RALYL: variants seen among roughly 807,000 people sequenced by gnomAD.
The protein encoded by RALYL is RALY RNA binding protein like, also known as RNA-binding Raly-like protein.
A neutral mutation model predicts 35.1 loss-of-function variants in RALYL; 29 were observed. The ratio of observed to expected loss-of-function variants is 0.83; its 90% CI spans 0.61 to 1.13. The LOEUF is 1.13. RALYL is among the 50% of genes most tolerant of loss of function. RALYL has a pLI of 0.00. For missense variants in RALYL, 359 were observed against 360.4 expected (o/e 1.00, Z 0.03); for synonymous variants, 120 against 127.6 (o/e 0.94, Z 0.40).
intron 1 of RALYL, among the ~76,000 whole-genome samples, chr8:84,481,810 G>A (rs1323483346): frequency 6.6e-6 from 1 of 151,930 alleles, no homozygotes; most frequent in Non-Finnish European, 1.5e-5. Context: ...TTGTCTGAAG[G>A]CCAAGGATGA....
intron 2 of RALYL, among the ~76,000 whole-genome samples, chr8:84,578,128 G>T (rs1356273200): frequency 6.6e-6 from 1 of 152,236 alleles, no homozygotes; most frequent in African/African-American, 2.4e-5. Context: ...GTGCATAAGT[G>T]AGTGAGCAAA....
chr8:84,866,772 C>A (rs955209835), intron 6 of RALYL, among the ~76,000 whole-genome samples: 3 of 151,960 alleles, frequency 2.0e-5, no homozygotes, highest in Non-Finnish European at 4.4e-5. Context: ...CTAGGAATGT[C>A]AGTTAATAAA....
chr8:84,401,636 T>TTAAA (rs2042913267), intron 1 of RALYL, among the ~76,000 whole-genome samples: 1 of 27,502 alleles, frequency 3.6e-5, no homozygotes, highest in Non-Finnish European at 6.4e-5. Context: ...AGACTCTGTC[T>TTAAA]CAAAAAAAAA....
At chr8:84,725,610 C>A (rs1282298843) in intron 2 of RALYL, among the ~76,000 whole-genome samples, 1 of 151,668 alleles carries the variant, frequency 6.6e-6, no homozygotes, top group East Asian at 1.9e-4. Context: ...TTATATTCAG[C>A]ATGTTCTAGT....
rs932241511 is a variant in RALYL at position 84,360,158 on chromosome 8, C to A, written c.-23-169141C>A. Among the ~76,000 whole-genome samples the A allele has an allele frequency of 6.6e-5, 10 of 152,290 alleles. No individual in the cohort carries two copies. The East Asian group carries it at 1.9e-3, about 29-fold the overall frequency. ...AAAGTGCTGGGATTACAGGCATGAGCCACCATACCTGGCCATGCGTTCATT... is the reference window on the plus strand; with the variant it reads ...AAAGTGCTGGGATTACAGGCATGAGACACCATACCTGGCCATGCGTTCATT... On this transcript the variant is annotated intron_variant, in intron 1 of 8. Transcript: ENST00000521268.
chr8:84,581,139 G>T (rs573015144), intron 2 of RALYL, among the ~76,000 whole-genome samples: 3 of 152,160 alleles, frequency 2.0e-5, no homozygotes, highest in Non-Finnish European at 4.4e-5. Context: ...GACCAAAGTT[G>T]CATTGCCTTA....
At chr8:84,627,833 GC>G (rs1157040917) in intron 2 of RALYL, among the ~76,000 whole-genome samples, 4 of 151,702 alleles carry the variant, frequency 2.6e-5, no homozygotes, top group Non-Finnish European at 5.9e-5. Flanking sequence ...CTTCTTTAAT[GC>G]CCATATTTAA....
chr8:84,613,475 G>T (rs927396494), intron 2 of RALYL, among the ~76,000 whole-genome samples: 1 of 151,318 alleles, frequency 6.6e-6, no homozygotes, highest in Non-Finnish European at 1.5e-5. Flanking sequence ...CACTGACACA[G>T]GTACCTCGCA....
chr8:84,469,845 G>C (rs371090813), intron 1 of RALYL, among the ~76,000 whole-genome samples: 4 of 152,138 alleles, frequency 2.6e-5, no homozygotes, highest in Non-Finnish European at 5.9e-5. Context: ...CTCGTGGTGC[G>C]CTGTTTTTTA....
intron 1 of RALYL, among the ~76,000 whole-genome samples, chr8:84,372,886 G>GTTTTTTTTTTTTTGTTTTGTTTTGTTTTT (rs1856071710): frequency 1.3e-4 from 5 of 39,074 alleles, no homozygotes; most frequent in Admixed American, 3.8e-4. Flanking sequence ...GCCAGCATCT[G>GTTTTTTTTTTTTTGTTTTGTTTTGTTTTT]TTTTTTTTTT....
intron 2 of RALYL, among the ~76,000 whole-genome samples, chr8:84,576,821 G>A (rs759973857): frequency 6.6e-6 from 1 of 152,122 alleles, no homozygotes; most frequent in Non-Finnish European, 1.5e-5. Flanking sequence ...CCACAAATAC[G>A]TCTTACCTCC....
At chr8:84,479,123 A>AAAAAT (rs2053785903) in intron 1 of RALYL, among the ~76,000 whole-genome samples, 1 of 136,968 alleles carries the variant, frequency 7.3e-6, no homozygotes, top group Non-Finnish European at 1.6e-5. Flanking sequence ...AAAAAAAAAA[A>AAAAAT]TCTATACACA....
intron 2 of RALYL, among the ~76,000 whole-genome samples, chr8:84,720,844 C>T (rs941699647): frequency 6.6e-6 from 1 of 151,866 alleles, no homozygotes; most frequent in Non-Finnish European, 1.5e-5. Context: ...ATAGACATCT[C>T]TCAAAAAGAG....
chr8:84,512,876 A>T (rs2057739938), intron 1 of RALYL, among the ~76,000 whole-genome samples: 1 of 152,012 alleles, frequency 6.6e-6, no homozygotes, highest in African/African-American at 2.4e-5. Flanking sequence ...ATATTGTTCC[A>T]TTGGTCTATA....
chr8:84,190,153 G>A (rs547387020), intron 1 of RALYL, among the ~76,000 whole-genome samples: 1 of 152,296 alleles, frequency 6.6e-6, no homozygotes, highest in Admixed American at 6.5e-5. Flanking sequence ...TTTGTGCAAG[G>A]AAAGCTGAAC....
At chr8:84,409,892 T>C (rs900582591) in intron 1 of RALYL, among the ~76,000 whole-genome samples, 1 of 152,012 alleles carries the variant, frequency 6.6e-6, no homozygotes, top group Non-Finnish European at 1.5e-5. Flanking sequence ...AACTCTTTTA[T>C]ATTCTAATGG....
At chr8:84,392,985 G>T (rs868474007) in intron 1 of RALYL, among the ~76,000 whole-genome samples, 26 of 152,078 alleles carry the variant, frequency 1.7e-4, no homozygotes, top group Admixed American at 1.3e-3. Flanking sequence ...AGTGCAATTT[G>T]TGAGGTACAG....
intron 7 of RALYL, among the ~76,000 whole-genome samples, chr8:84,886,840 T>C (rs1441524206): frequency 1.3e-5 from 2 of 152,216 alleles, no homozygotes; most frequent in Admixed American, 6.5e-5. Context: ...ATACTAACAC[T>C]TTGATTCACT....
In RALYL at chr8:84,669,791, A is replaced by G. The variant is rs954501776; in HGVS notation, c.257-104788A>G. On this transcript the variant is annotated intron_variant, in intron 2 of 8. Coordinates refer to ENST00000521268, the MANE Select transcript of RALYL (RefSeq NM_173848.7). Reference sequence around the variant, plus strand: ...AGGTGTGTCCCAACTCCTGCCCTAGATTCATACCATAGCTAAGTAAATGAA... The same window carrying G: ...AGGTGTGTCCCAACTCCTGCCCTAGGTTCATACCATAGCTAAGTAAATGAA... Among the ~76,000 whole-genome samples, 3 of 152,118 alleles carry G rather than the reference A, an allele frequency of 2.0e-5. No homozygotes were observed. The South Asian group carries it at 6.2e-4, about 32-fold the overall frequency.
Sources: allele counts gnomAD v4.1 joint callset (sites outside exome capture counted in the v4.1 genomes callset), GRCh38; gene constraint gnomAD v4.1.1; transcripts MANE v1.5; gene names NCBI Gene and HGNC (gene_info 2026-07-23, HGNC 2026-07-21).